The following BAHD1 variants were observed in gnomAD, a reference collection of about 807,000 sequenced individuals.
BAHD1 encodes bromo adjacent homology domain-containing 1 protein.
Under a neutral mutation model 63.1 loss-of-function variants are expected in BAHD1, and 20 were observed. The ratio of observed to expected loss-of-function variants is 0.32; its 90% CI spans 0.22 to 0.46. The LOEUF is 0.46. BAHD1 is among the 20% of genes least tolerant of loss of function. The pLI, the probability that BAHD1 is intolerant of heterozygous loss-of-function variation, is 1.00. For missense variants in BAHD1, 939 were observed against 1,071.8 expected, an observed-to-expected ratio of 0.88 and a Z score of 1.73; for synonymous variants, 408 against 426.8, an observed-to-expected ratio of 0.96 and a Z score of 0.54.
intron 1 of BAHD1, among the ~76,000 whole-genome samples, chr15:40,452,316 T>C (rs889066799): frequency 3.3e-5 from 5 of 152,244 alleles, no homozygotes; most frequent in South Asian, 4.1e-4. Flanking sequence ...CTTGCAACTT[T>C]GTGCTGTGGA....
In BAHD1 at chr15:40,458,667, A is replaced by T; in HGVS notation, c.203A>T (p.Lys68Met). 2 of 1,613,848 alleles carry T rather than the reference A, an allele frequency of 1.2e-6. No individual in the cohort carries two copies. Among genetic ancestry groups the T allele is most frequent in the South Asian group, 2.2e-5 (2 of 91,074 alleles). Reference protein sequence around the residue: ...RKRPLVPEKPKACKVLLTRLE... With the variant: ...RKRPLVPEKPMACKVLLTRLE... The stretch of plus-strand genomic sequence containing the variant: ...CGCCCATTGGTTCCTGAGAAGCCCA[A>T]GGCCTGCAAAGTGCTGCTGACTCGC... The change falls in exon 2 of 7, where the codon AAG becomes ATG. Residue 68 changes from lysine to methionine, a missense_variant. Physicochemically the swap from Lys to Met is moderately conservative, Grantham distance 95 (BLOSUM62 -1). Around this residue, in one of 5 missense-constraint regions of BAHD1, gnomAD observed 797 missense variants for 813.3 expected, o/e 0.98. Coordinates refer to ENST00000416165, the MANE Select transcript of BAHD1 (RefSeq NM_014952.5). The surrounding 1 kb of genome is among the most constrained non-coding windows in gnomAD (Gnocchi z 4.7).
intron 1 of BAHD1, among the ~76,000 whole-genome samples, chr15:40,445,161 A>G (rs986641620): frequency 1.3e-5 from 2 of 151,250 alleles, no homozygotes; most frequent in African/African-American, 4.9e-5. Flanking sequence ...TGGAGCCAGC[A>G]GCCCCTGGAA....
In BAHD1 at chr15:40,449,611, G is replaced by A. The variant is rs188014315; in HGVS notation, c.-15+8343G>A. 6.9e-3 allele frequency among the ~76,000 whole-genome samples: 1,043 copies of A among 151,872 alleles called. 10 individuals are homozygous for A. Among genetic ancestry groups the A allele is most frequent in the African/African-American group, 0.024 (998 of 41,398 alleles). ...GGCTAGGACTTTGAGACCAGCCTGG[G>A]CAACATAGTGAGACCTTGTCTCTAC... is the stretch of plus-strand genomic sequence containing the variant. On this transcript the variant is annotated intron_variant, in intron 1 of 6. Coordinates refer to ENST00000416165, the MANE Select transcript of BAHD1 (RefSeq NM_014952.5).
At chr15:40,462,428 C>T in intron 3 of BAHD1, 134 bp downstream of exon 3, 1 of 1,271,026 alleles carries the variant, frequency 7.9e-7, no homozygotes, top group Non-Finnish European at 1.1e-6. Context: ...TTTACTTGTA[C>T]CCCAGGAACC....
At chr15:40,445,277 C>CA (rs1045891732) in intron 1 of BAHD1, among the ~76,000 whole-genome samples, 1 of 140,766 alleles carries the variant, frequency 7.1e-6, no homozygotes, top group Non-Finnish European at 1.5e-5. Flanking sequence ...AAAAAAAAAA[C>CA]AACCCTTTCA....
intron 1 of BAHD1, among the ~76,000 whole-genome samples, chr15:40,449,758 A>G (rs1893649750): frequency 6.6e-6 from 1 of 151,444 alleles, no homozygotes; most frequent in Non-Finnish European, 1.5e-5. Context: ...ACAGTGAGCT[A>G]TAATTGTGCC....
At chr15:40,446,836 G>C (rs1224213182) in intron 1 of BAHD1, among the ~76,000 whole-genome samples, 2 of 152,100 alleles carry the variant, frequency 1.3e-5, no homozygotes, top group Admixed American at 1.3e-4. Context: ...CTTGACCCCA[G>C]GGATCTCACC....
intron 1 of BAHD1, among the ~76,000 whole-genome samples, chr15:40,441,956 C>T (rs1322564804): frequency 6.6e-6 from 1 of 151,418 alleles, no homozygotes; most frequent in Non-Finnish European, 1.5e-5. Context: ...GGAAGGGGAC[C>T]GGTTCGAAAA....
chr15:40,437,747 G>C (rs187283497), upstream of BAHD1, among the ~76,000 whole-genome samples: 9 of 152,360 alleles, frequency 5.9e-5, no homozygotes, highest in South Asian at 2.1e-4. Context: ...GCCCTGCCTG[G>C]TGCCAGGTGG....
rs755886912 is a variant in BAHD1 at position 40,465,437 on chromosome 15, T to C, written c.2153+2T>C. 1 of 1,611,218 alleles carries C rather than the reference T, an allele frequency of 6.2e-7. No homozygotes were observed. Among genetic ancestry groups the C allele is most frequent in the African/African-American group, 1.3e-5 (1 of 74,876 alleles). ...GCTGACTTTTGCCGAGTACTGCAGG[T>C]AGGTGGTTCCCTGCACCCTCTGGCT... is the stretch of plus-strand genomic sequence containing the variant. On this transcript the variant is annotated splice_donor_variant, in intron 6 of 6. Transcript: ENST00000416165. LOFTEE classifies it high-confidence loss of function.
intron 1 of BAHD1, among the ~76,000 whole-genome samples, chr15:40,447,172 C>G (rs1373290910): frequency 1.3e-5 from 2 of 152,180 alleles, no homozygotes; most frequent in Non-Finnish European, 2.9e-5. Flanking sequence ...CACGTTTCCA[C>G]CATAGTCAGG....
At chr15:40,454,160 C>T (rs1012185921) in intron 1 of BAHD1, 2 of 152,320 alleles carry the variant, frequency 1.3e-5, no homozygotes, top group African/African-American at 4.8e-5. Flanking sequence ...TGGGAGTGAT[C>T]TGGGCTGTGA....
At chr15:40,460,293 G>T (rs1446613550) in intron 2 of BAHD1, among the ~76,000 whole-genome samples, 2 of 152,246 alleles carry the variant, frequency 1.3e-5, no homozygotes, top group Admixed American at 1.3e-4. Context: ...CCCTCCTTGA[G>T]GAAAGCTAGA....
chr15:40,458,659 G>C lies in BAHD1; in HGVS notation c.195G>C (p.Glu65Asp). ...TTCGTAAGCGCCCATTGGTTCCTGAGAAGCCCAAGGCCTGCAAAGTGCTGC... is the reference window on the plus strand; with the variant it reads ...TTCGTAAGCGCCCATTGGTTCCTGACAAGCCCAAGGCCTGCAAAGTGCTGC... ...YPLRKRPLVP[E>D]KPKACKVLLT... Residue 65 changes from glutamate to aspartate, a missense_variant, in exon 2 of 7, where the codon GAG (glutamate) becomes GAC (aspartate). Glu to Asp is a conservative substitution (Grantham distance 45). Coordinates refer to ENST00000416165, the MANE Select transcript of BAHD1 (RefSeq NM_014952.5). The surrounding 1 kb of genome is among the most constrained non-coding windows in gnomAD (Gnocchi z 4.7). The C allele has an allele frequency of 1.2e-6, 2 of 1,613,820 alleles. No homozygotes were observed. The highest frequency in any genetic ancestry group is 2.2e-5 in the South Asian group (2 of 91,064).
chr15:40,456,346 C>A (rs568749987), intron 1 of BAHD1, among the ~76,000 whole-genome samples: 1 of 152,176 alleles, frequency 6.6e-6, no homozygotes, highest in African/African-American at 2.4e-5. Flanking sequence ...AAGAGACTTA[C>A]GGAGCCTAGC....
upstream of BAHD1, among the ~76,000 whole-genome samples, chr15:40,439,474 G>A (rs1319768775): frequency 6.6e-6 from 1 of 152,212 alleles, no homozygotes; most frequent in African/African-American, 2.4e-5. Flanking sequence ...GTGTGGTGCA[G>A]GAGGAGCCCC....
Position 40,465,994 on chromosome 15 carries a change from C to T in BAHD1, c.2207C>T (p.Ala736Val). The stretch of plus-strand genomic sequence containing the variant: ...GAAGGCCTCCCCAGCCGAAAGACAG[C>T]ACTGGTTCCCCCCTCTGCAGACTAT... ...RGEGLPSRKT[A>V]LVPPSADYST... Residue 736 changes from alanine to valine, a missense_variant, in exon 7 of 7, where the codon GCA becomes GTA. By Grantham distance (64) the Ala-to-Val change is moderately conservative. Coordinates refer to ENST00000416165, the MANE Select transcript of BAHD1 (RefSeq NM_014952.5). 6.2e-7 allele frequency: 1 copy of T among 1,611,404 alleles called. No homozygotes were observed.
rs1893380020 is a variant in BAHD1 at position 40,440,982 on chromosome 15, G to GCGGATCC, written c.-296_-290dup. Among the ~76,000 whole-genome samples, 1 of 150,978 alleles carries GCGGATCC rather than the reference G, an allele frequency of 6.6e-6. No homozygotes were observed. Among genetic ancestry groups the GCGGATCC allele is most frequent in the African/African-American group, 2.4e-5 (1 of 41,326 alleles). ...TTGTGGGGGAACCGCGAGCGGCGTA[G>GCGGATCC]CGGATCCCGGAGCCCGGCCCCCGCC... On this transcript the variant is annotated 5_prime_UTR_variant, in exon 1 of 7. Coordinates refer to ENST00000416165, the MANE Select transcript of BAHD1 (RefSeq NM_014952.5).
In BAHD1 at chr15:40,459,535, G is replaced by A; in HGVS notation, c.1071G>A (p.Met357Ile). Residue 357 changes from methionine to isoleucine, a missense_variant, in exon 2 of 7, where the codon ATG becomes ATA. Physicochemically the swap from Met to Ile is conservative, Grantham distance 10 (BLOSUM62 1). Transcript: ENST00000416165. The stretch of plus-strand genomic sequence containing the variant: ...CACCTCAGCTGTCGCCGCTGCCGAT[G>A]CCTGGCAACCCCGCCGACTACAATG... ...FPTPQLSPLP[M>I]PGNPADYNGL... 4 of 1,614,136 alleles carry A rather than the reference G, an allele frequency of 2.5e-6. No individual in the cohort carries two copies. Among genetic ancestry groups the A allele is most frequent in the Non-Finnish European group, 2.5e-6 (3 of 1,180,034 alleles).
Sources: allele counts gnomAD v4.1 joint callset (sites outside exome capture counted in the v4.1 genomes callset), GRCh38; gene constraint gnomAD v4.1.1; regional missense constraint gnomAD v4.1.1; non-coding constraint Gnocchi (gnomAD v3.1); transcripts MANE v1.5; gene names NCBI Gene and HGNC (gene_info 2026-07-23, HGNC 2026-07-21).